The following RYR2 variants were observed in gnomAD, a reference collection of about 807,000 sequenced individuals.
RYR2 encodes cardiac muscle ryanodine receptor-calcium release channel.
RYR2 carries 227 observed loss-of-function variants against 601.1 expected under a neutral mutation model. The observed-to-expected ratio is 0.38, with a 90% CI of 0.34 to 0.42. The LOEUF is 0.42. Among genes scored for constraint, RYR2 ranks in the 10% least tolerant of loss-of-function variants. RYR2 has a pLI of 1.00. For missense variants in RYR2, 4,646 were observed against 6,156.5 expected (o/e 0.75, Z 8.21); for synonymous variants, 2,223 against 2,175.1 (o/e 1.02, Z -0.61).
chr1:237,052,930 C>G (rs1444037881), intron 1 of RYR2, among the ~76,000 whole-genome samples: 3 of 152,134 alleles, frequency 2.0e-5, no homozygotes. Flanking sequence ...CTTACTGCAA[C>G]CTCTGCCTCC....
chr1:237,367,677 T>C (rs1700311817), intron 5 of RYR2, among the ~76,000 whole-genome samples: 1 of 152,210 alleles, frequency 6.6e-6, no homozygotes, highest in South Asian at 2.1e-4. Flanking sequence ...CTCGTCATAA[T>C]ATTTTGTACC....
chr1:237,074,192 C>G (rs1251490000), intron 1 of RYR2, among the ~76,000 whole-genome samples: 1 of 152,010 alleles, frequency 6.6e-6, no homozygotes, highest in Non-Finnish European at 1.5e-5. Context: ...GTGGAACGTG[C>G]CTGTATCCCA....
At position 237,421,456 on chromosome 1, in the gene RYR2, T is replaced by C. The variant is rs555907366; in HGVS notation, c.849-1636T>C. Among the ~76,000 whole-genome samples, 14 of 152,302 alleles carry C rather than the reference T, an allele frequency of 9.2e-5. 1 individual carries two copies. In the South Asian group the frequency reaches 2.7e-3, roughly 29 times the overall value. ...TATTAGTATACGGTTATTAACTTAATTGGGGGGCTTCCCAAATTAATTGTC... is the reference window on the plus strand; with the variant it reads ...TATTAGTATACGGTTATTAACTTAACTGGGGGGCTTCCCAAATTAATTGTC... On this transcript the variant is annotated intron_variant, in intron 11 of 104. Coordinates refer to ENST00000366574, the MANE Select transcript of RYR2 (RefSeq NM_001035.3).
chr1:237,578,656 T>C (rs527568778), intron 29 of RYR2, among the ~76,000 whole-genome samples: 2 of 152,244 alleles, frequency 1.3e-5, no homozygotes, highest in East Asian at 1.9e-4. Context: ...GCAATGCCTC[T>C]TTTGGGGGTA....
intron 1 of RYR2, among the ~76,000 whole-genome samples, chr1:237,173,882 C>T (rs1201931150): frequency 1.3e-5 from 2 of 152,054 alleles, no homozygotes; most frequent in African/African-American, 2.4e-5. Flanking sequence ...TGGTGAAGCC[C>T]CGTCTCTACT....
rs1170956111 is a variant in RYR2 at position 237,795,839 on chromosome 1, T to TATATATATATATAC, written c.13956+518_13956+519insATACATATATATAT. Among the ~76,000 whole-genome samples, 495 of 113,184 alleles carry TATATATATATATAC rather than the reference T, an allele frequency of 4.4e-3. 7 individuals are homozygous for TATATATATATATAC. Among genetic ancestry groups the TATATATATATATAC allele is most frequent in the African/African-American group, 0.022 (466 of 21,666 alleles). 74.3% of individuals were successfully genotyped at this position (113,184 alleles called of 152,430 possible). A position where few individuals can be genotyped will look rare whatever the true frequency, so the allele number is the denominator to read the frequency against. On this transcript the variant is annotated intron_variant, in intron 96 of 104. Transcript: ENST00000366574. Reference sequence around the variant, plus strand: ...ACAGGTATGTATGTGTGTGTGTGTATATATATATATGTATATGTATATATA... The same window carrying TATATATATATATAC: ...ACAGGTATGTATGTGTGTGTGTGTATATATATATATATACATATATATATGTATATGTATATATA...
chr1:237,192,146 T>A (rs1318582822), intron 1 of RYR2, among the ~76,000 whole-genome samples: 2 of 150,524 alleles, frequency 1.3e-5, no homozygotes, highest in Non-Finnish European at 3.0e-5. Context: ...AACCCATGCA[T>A]CACAATACTG....
chr1:237,786,060 T>A (rs1695523498), intron 91 of RYR2, 24 bp downstream of exon 91: 6 of 1,453,422 alleles, frequency 4.1e-6, no homozygotes, highest in Non-Finnish European at 4.7e-6. Flanking sequence ...GCATATACTT[T>A]TCCTTCGTTT....
In RYR2 at chr1:237,718,500, C is replaced by CA; in HGVS notation, c.10535dup (p.Asn3512LysfsTer14). 1 of 1,595,304 alleles carries CA rather than the reference C, an allele frequency of 6.3e-7. No individual in the cohort carries two copies. The highest frequency in any genetic ancestry group is 8.6e-7 in the Non-Finnish European group (1 of 1,163,698). On this transcript the variant is annotated frameshift_variant, in exon 73 of 105. Transcript: ENST00000366574. LOFTEE classifies it high-confidence loss of function. ...ATGAAGTACGAGATATAATCCGCAG[C>CA]AATATTCATTTACAAGGCAAGGTAA...
At chr1:237,420,492 T>C (rs887545137) in intron 11 of RYR2, among the ~76,000 whole-genome samples, 1 of 152,184 alleles carries the variant, frequency 6.6e-6, no homozygotes, top group African/African-American at 2.4e-5. Flanking sequence ...CCAATTTTAG[T>C]TTTTACTACA....
intron 1 of RYR2, among the ~76,000 whole-genome samples, chr1:237,173,480 C>T (rs557357814): frequency 6.6e-6 from 1 of 152,280 alleles, no homozygotes; most frequent in Non-Finnish European, 1.5e-5. Flanking sequence ...GGAAGGGCAC[C>T]TGCACAAGGT....
intron 10 of RYR2, among the ~76,000 whole-genome samples, chr1:237,415,054 G>C (rs1317325515): frequency 1.3e-5 from 2 of 152,084 alleles, no homozygotes; most frequent in Non-Finnish European, 2.9e-5. Flanking sequence ...CATTTAGTTG[G>C]TAGAGGGCAG....
At position 237,730,344 on chromosome 1, in the gene RYR2, AG is replaced by A; in HGVS notation, c.10924del (p.Glu3642LysfsTer3). On this transcript the variant is annotated frameshift_variant, in exon 77 of 105. Transcript: ENST00000366574. LOFTEE classifies it high-confidence loss of function. ...AACATTACTTTGAAGATAAACTGAT[AG>A]AAGATTTAGCAGTATGTTTTTAGTG... ...EEHYFEDKLI[E>X]DLAKPGAEPP... 6.4e-7 allele frequency: 1 copy of A among 1,568,500 alleles called. No individual in the cohort carries two copies. Among genetic ancestry groups the A allele is most frequent in the Non-Finnish European group, 8.8e-7 (1 of 1,138,636 alleles).
chr1:237,498,033 T>TTA (rs1664258367), intron 20 of RYR2, among the ~76,000 whole-genome samples: 1 of 151,998 alleles, frequency 6.6e-6, no homozygotes, highest in African/African-American at 2.4e-5. Flanking sequence ...CGGCTAATTT[T>TTA]TATATATATT....
chr1:237,357,894 A>G, intron 4 of RYR2, among the ~76,000 whole-genome samples: 1 of 152,214 alleles, frequency 6.6e-6, no homozygotes, highest in East Asian at 1.9e-4. Flanking sequence ...GTCATATAAT[A>G]AAAAGATTCT....
chr1:237,727,942 A>G (rs1426576182), intron 76 of RYR2, among the ~76,000 whole-genome samples: 1 of 152,036 alleles, frequency 6.6e-6, no homozygotes, highest in Non-Finnish European at 1.5e-5. Context: ...TACAAATTGC[A>G]TCACCTCTAT....
At chr1:237,300,030 G>T (rs914664803) in intron 2 of RYR2, among the ~76,000 whole-genome samples, 2 of 152,160 alleles carry the variant, frequency 1.3e-5, no homozygotes, top group African/African-American at 4.8e-5. Context: ...TGGAGCAGAT[G>T]AAATGCTGAA....
At chr1:237,831,265 GT>G (rs1663755043) in intron 103 of RYR2, among the ~76,000 whole-genome samples, 1 of 152,160 alleles carries the variant, frequency 6.6e-6, no homozygotes, top group East Asian at 1.9e-4. Context: ...ATTCATCAGT[GT>G]TGATTTGATT....
At position 237,614,233 on chromosome 1, in the gene RYR2, A is replaced by G; in HGVS notation, c.5105A>G (p.Tyr1702Cys). 1 of 1,614,014 alleles carries G rather than the reference A, an allele frequency of 6.2e-7. No individual in the cohort carries two copies. The highest frequency in any genetic ancestry group is 8.5e-7 in the Non-Finnish European group (1 of 1,179,896). ...ATGCCTGGTTTGCTGCGTGCTGGCT[A>G]CTATGACCTGCTGATTGACATCCAC... ...KYMPGLLRAG[Y>C]YDLLIDIHLS... Residue 1702 changes from tyrosine to cysteine, a missense_variant, in exon 37 of 105, where the codon TAC becomes TGC. This residue lies in a region of RYR2 where 1,807 missense variants were observed against 2,088.1 expected (regional missense o/e 0.87). Transcript: ENST00000366574. The surrounding 1 kb of genome is among the most constrained non-coding windows in gnomAD (Gnocchi z 4.3).
Sources: allele counts gnomAD v4.1 joint callset (sites outside exome capture counted in the v4.1 genomes callset), GRCh38; gene constraint gnomAD v4.1.1; regional missense constraint gnomAD v4.1.1; non-coding constraint Gnocchi (gnomAD v3.1); transcripts MANE v1.5; gene names NCBI Gene and HGNC (gene_info 2026-07-23, HGNC 2026-07-21).